ALPK2: variants seen among roughly 807,000 people sequenced by gnomAD.
ALPK2 encodes the protein alpha-protein kinase 2.
ALPK2 carries 127 observed loss-of-function variants against 163.1 expected under a neutral mutation model. The ratio of observed to expected loss-of-function variants is 0.78; its 90% CI spans 0.67 to 0.90. The LOEUF (loss-of-function observed/expected upper bound fraction) is 0.90, where lower values mean the gene tolerates loss of function less well. Among genes scored for constraint, ALPK2 ranks in the 40% least tolerant of loss-of-function variants. The probability of loss-of-function intolerance (pLI) is 0.00; values close to 1 mark genes in which losing one functional copy is unlikely to be tolerated. For synonymous variants in ALPK2, 953 were observed against 959.1 expected (o/e 0.99, Z 0.12); for missense variants, 2,360 against 2,589.6 (o/e 0.91, Z 1.92).
rs530676132 is a variant in ALPK2, at chr18:58,568,522, C to T, written c.1962+10292G>A. Among the ~76,000 whole-genome samples the T allele has an allele frequency of 7.6e-4, 115 of 152,226 alleles. 1 individual carries two copies. The highest frequency in any genetic ancestry group is 2.3e-3 in the African/African-American group (97 of 41,510). ...AGCTGGAGCTTCCATAAGGCACGCA[C>T]GCCTGAGCTCTACCCTCGATCTATT... On this transcript the variant is annotated intron_variant, in intron 4 of 12. Coordinates refer to ENST00000361673, the MANE Select transcript of ALPK2 (RefSeq NM_052947.4).
chr18:58,549,129 G>A (rs558109817), intron 4 of ALPK2, among the ~76,000 whole-genome samples: 2 of 152,322 alleles, frequency 1.3e-5, no homozygotes, highest in African/African-American at 4.8e-5. Context: ...TAGAGAGAGA[G>A]AAGCATCTTT....
intron 3 of ALPK2, among the ~76,000 whole-genome samples, chr18:58,606,388 C>T (rs115436309): frequency 0.014 from 2,092 of 152,308 alleles, 38 homozygotes; most frequent in African/African-American, 0.04. Flanking sequence ...CAGCCTGTTA[C>T]TTTAAACAAA....
chr18:58,563,457 A>G (rs149072321), intron 4 of ALPK2, among the ~76,000 whole-genome samples: 6 of 152,350 alleles, frequency 3.9e-5, no homozygotes, highest in Non-Finnish European at 5.9e-5. Flanking sequence ...AGAGTGAAAG[A>G]AGTGACTTTG....
At chr18:58,605,111 G>T (rs2052090991) in intron 3 of ALPK2, among the ~76,000 whole-genome samples, 1 of 146,718 alleles carries the variant, frequency 6.8e-6, no homozygotes, top group Non-Finnish European at 1.5e-5. Flanking sequence ...AAGCAAGGGT[G>T]GGAAACATAC....
chr18:58,579,992 G>C lies in ALPK2; in HGVS notation c.784C>G (p.Gln262Glu), dbSNP rs757877310. The change falls in exon 4 of 13, where the codon CAA becomes GAA. Residue 262 changes from glutamine (Q) to glutamate (E), a missense_variant. Gln to Glu is a conservative substitution (Grantham distance 29). Transcript: ENST00000361673. Reference protein sequence around the residue: ...PHDEGLRSSQQNPKVQKYISF... With the variant: ...PHDEGLRSSQENPKVQKYISF... Reference sequence around the variant, plus strand: ...ATGTATTTCTGTACTTTGGGATTTTGCTGACTAGAGCGTAAGCCTTCATCA... The same window carrying C: ...ATGTATTTCTGTACTTTGGGATTTTCCTGACTAGAGCGTAAGCCTTCATCA... 6.2e-7 allele frequency: 1 copy of C among 1,614,200 alleles called. No homozygotes were observed. The highest frequency in any genetic ancestry group is 8.5e-7 in the Non-Finnish European group (1 of 1,180,038).
intron 4 of ALPK2, among the ~76,000 whole-genome samples, chr18:58,575,988 G>T (rs1247550820): frequency 6.6e-6 from 1 of 152,330 alleles, no homozygotes; most frequent in Middle Eastern, 3.4e-3. Flanking sequence ...AAAACGGTAT[G>T]CAGATGAAGA....
At chr18:58,519,671 T>TA (rs757357462) in intron 8 of ALPK2, among the ~76,000 whole-genome samples, 2 of 152,198 alleles carry the variant, frequency 1.3e-5, no homozygotes, top group Non-Finnish European at 2.9e-5. Context: ...AAAAAAATCT[T>TA]AGACGTATTC....
intron 1 of ALPK2, among the ~76,000 whole-genome samples, chr18:58,618,122 G>A (rs910952509): frequency 3.3e-5 from 5 of 152,040 alleles, no homozygotes; most frequent in South Asian, 2.1e-4. Context: ...CTCGGGTCAC[G>A]GCAACCTCCA....
In ALPK2 at chr18:58,536,216, T is replaced by G; in HGVS notation, c.3971A>C (p.His1324Pro). 6.2e-7 allele frequency: 1 copy of G among 1,614,212 alleles called. No homozygotes were observed. Among genetic ancestry groups the G allele is most frequent in the Non-Finnish European group, 8.5e-7 (1 of 1,180,022 alleles). Reference protein sequence around the residue: ...HKGEEPTISVHWRSLSSRGFS... With the variant: ...HKGEEPTISVPWRSLSSRGFS... ...ACCCCGGGAAGAAAGACTTCTCCAA[T>G]GTACACTGATGGTGGGCTCTTCGCC... Residue 1324 changes from histidine to proline, a missense_variant, in exon 5 of 13, where the codon CAT (histidine) becomes CCT (proline). Transcript: ENST00000361673.
intron 1 of ALPK2, among the ~76,000 whole-genome samples, chr18:58,620,720 C>A (rs554967763): frequency 6.6e-6 from 1 of 152,216 alleles, no homozygotes; most frequent in Non-Finnish European, 1.5e-5. Flanking sequence ...AGCAAGGAGG[C>A]AAAAATTTAA....
intron 3 of ALPK2, among the ~76,000 whole-genome samples, chr18:58,590,831 G>A (rs767407203): frequency 2.6e-5 from 4 of 152,096 alleles, no homozygotes; most frequent in Admixed American, 1.3e-4. Context: ...CTAAAGAGCC[G>A]AAACGGACCT....
intron 4 of ALPK2, among the ~76,000 whole-genome samples, chr18:58,553,346 T>C (rs2051769510): frequency 6.6e-6 from 1 of 152,156 alleles, no homozygotes; most frequent in Non-Finnish European, 1.5e-5. Flanking sequence ...GATTTGGGAA[T>C]GGGTTAGACA....
chr18:58,574,688 C>T (rs12959544), intron 4 of ALPK2, among the ~76,000 whole-genome samples: 24,398 of 152,000 alleles, frequency 0.16, 2,164 homozygotes, highest in African/African-American at 0.22. Flanking sequence ...ATCCCCGCCC[C>T]GTTCCGGCTG....
chr18:58,532,220 A>G (rs1476568380), intron 5 of ALPK2, among the ~76,000 whole-genome samples: 1 of 152,200 alleles, frequency 6.6e-6, no homozygotes, highest in Non-Finnish European at 1.5e-5. Flanking sequence ...TTCCAGTACA[A>G]TAACCTAGTG....
At chr18:58,592,873 G>A (rs1448206514) in intron 3 of ALPK2, among the ~76,000 whole-genome samples, 3 of 152,178 alleles carry the variant, frequency 2.0e-5, no homozygotes, top group African/African-American at 4.8e-5. Flanking sequence ...CCATCAACCC[G>A]GTGACATGAG....
intron 3 of ALPK2, among the ~76,000 whole-genome samples, chr18:58,589,741 A>G (rs1361002905): frequency 6.6e-6 from 1 of 152,194 alleles, no homozygotes; most frequent in Non-Finnish European, 1.5e-5. Flanking sequence ...ACCAGCAAAA[A>G]TAAAAATAAA....
intron 9 of ALPK2, 40 bp from the exon 10 acceptor site, chr18:58,515,121 G>A (rs2051514507): frequency 6.7e-7 from 1 of 1,495,790 alleles, no homozygotes; most frequent in South Asian, 1.2e-5. Context: ...AGTGACTACA[G>A]GAAATTCAGA....
At position 58,494,406 on chromosome 18, in the gene ALPK2, A is replaced by T. The variant is rs572241851; in HGVS notation, c.6296+3643T>A. ...TACAATGAAGTAAAGTTGAATTAAA[A>T]TGAGTAAGTCATGACAATTCTCTAT... On this transcript the variant is annotated intron_variant, in intron 12 of 12. Transcript: ENST00000361673. Among the ~76,000 whole-genome samples, 4 of 152,330 alleles carry T rather than the reference A, an allele frequency of 2.6e-5. No individual in the cohort carries two copies. The South Asian group carries it at 8.3e-4, about 32-fold the overall frequency.
At position 58,529,084 on chromosome 18, in the gene ALPK2, A is replaced by T. The variant is rs200981978; in HGVS notation, c.5501+7T>A. 2 of 1,614,132 alleles carry T rather than the reference A, an allele frequency of 1.2e-6. No homozygotes were observed. The highest frequency in any genetic ancestry group is 8.5e-7 in the Non-Finnish European group (1 of 1,179,966). On this transcript the variant is annotated splice_region_variant and intron_variant, in intron 6 of 12. Coordinates refer to ENST00000361673, the MANE Select transcript of ALPK2 (RefSeq NM_052947.4). ...CTGTGAAAAGTAACCAGGGAAAAAC[A>T]TCGCACCTTCTCTGCACTTGGGCTA...
Sources: gnomAD v4.1 joint callset for allele counts (sites outside exome capture counted in the v4.1 genomes callset) on GRCh38, gnomAD v4.1.1 for gene constraint, MANE v1.5 for transcripts, NCBI Gene and HGNC (gene_info 2026-07-23, HGNC 2026-07-21) for gene names.